VWA2: variants seen among roughly 807,000 people sequenced by gnomAD.
VWA2 encodes von Willebrand factor A domain containing 2.
In VWA2, 73 loss-of-function variants were observed where a neutral mutation model predicts 70.4. The observed-to-expected ratio is 1.04, with a 90% confidence interval of 0.86 to 1.26. The LOEUF is 1.26. Among genes scored for constraint, VWA2 ranks in the 50% most tolerant of loss-of-function variants. VWA2 has a pLI of 0.00. For synonymous variants in VWA2, 407 were observed against 423.3 expected, an observed-to-expected ratio of 0.96 and a Z score of 0.47; for missense variants, 1,011 against 998.5, an observed-to-expected ratio of 1.01 and a Z score of -0.17.
chr10:114,283,240 GGCAGTTAGACACACAGGCAGGGCAGCGA>G (rs1564735622), intron 9 of VWA2, among the ~76,000 whole-genome samples: 9 of 152,132 alleles, frequency 5.9e-5, no homozygotes, highest in South Asian at 2.1e-4. Flanking sequence ...AAGCAATGCC[GGCAGTTAGACACACAGGCAGGGCAGCGA>G]GCAGTTAGAC....
At chr10:114,256,416 G>C (rs1400149407) in intron 4 of VWA2, among the ~76,000 whole-genome samples, 2 of 151,984 alleles carry the variant, frequency 1.3e-5, no homozygotes, top group Non-Finnish European at 2.9e-5. Context: ...ATCTGTCTTT[G>C]TTTTCTTGTA....
intron 1 of VWA2, among the ~76,000 whole-genome samples, chr10:114,242,603 A>G (rs2036993552): frequency 6.6e-6 from 1 of 152,002 alleles, no homozygotes; most frequent in Non-Finnish European, 1.5e-5. Context: ...GTCTCTGTGT[A>G]CCACGTGCCT....
chr10:114,276,095 T>C (rs2037835505), intron 6 of VWA2, among the ~76,000 whole-genome samples: 1 of 152,206 alleles, frequency 6.6e-6, no homozygotes, highest in African/African-American at 2.4e-5. Context: ...CGTTTAATGC[T>C]TAGGGAGCTG....
rs527708632 is a variant in VWA2, at chr10:114,257,569, G to A, written c.261+2521G>A. Among the ~76,000 whole-genome samples the A allele has an allele frequency of 7.8e-4, 119 of 152,310 alleles. 1 individual carries two copies. Among genetic ancestry groups the A allele is most frequent in the African/African-American group, 2.7e-3 (114 of 41,564 alleles). On this transcript the variant is annotated intron_variant, in intron 4 of 13. Transcript: ENST00000392982. ...GCAACCTCAGGAGAGAGTTAAGTGT[G>A]GAAGAACTGGGGCTTTTGACTCAGC...
At chr10:114,259,865 T>C (rs552041218) in intron 4 of VWA2, among the ~76,000 whole-genome samples, 1 of 152,284 alleles carries the variant, frequency 6.6e-6, no homozygotes, top group South Asian at 2.1e-4. Context: ...CTGAGATTTC[T>C]TTCTGCTTAA....
chr10:114,256,755 A>C (rs549656774), intron 4 of VWA2, among the ~76,000 whole-genome samples: 1 of 152,040 alleles, frequency 6.6e-6, no homozygotes, highest in African/African-American at 2.4e-5. Context: ...CTAAAAATAC[A>C]AAAAATTAGC....
chr10:114,260,151 T>C (rs2037413872), intron 4 of VWA2, among the ~76,000 whole-genome samples: 1 of 152,220 alleles, frequency 6.6e-6, no homozygotes, highest in Admixed American at 6.5e-5. Flanking sequence ...CCAGGGGTTT[T>C]GGAGAACCAA....
chr10:114,278,430 G>A (rs1282731538), intron 7 of VWA2, among the ~76,000 whole-genome samples: 1 of 152,188 alleles, frequency 6.6e-6, no homozygotes, highest in Non-Finnish European at 1.5e-5. Flanking sequence ...GTCCACCCAG[G>A]AGCCACATTG....
intron 13 of VWA2, among the ~76,000 whole-genome samples, chr10:114,291,015 T>C (rs560357070): frequency 6.6e-6 from 1 of 152,270 alleles, no homozygotes; most frequent in South Asian, 2.1e-4. Flanking sequence ...CTTGGTTTTT[T>C]GGCCACGGGC....
chr10:114,275,964 A>G (rs891255075), intron 6 of VWA2, among the ~76,000 whole-genome samples: 4 of 152,196 alleles, frequency 2.6e-5, no homozygotes, highest in Non-Finnish European at 5.9e-5. Context: ...GAAAAATGAA[A>G]TAAACACAAT....
At chr10:114,280,535 G>A (rs997023383) in intron 8 of VWA2, among the ~76,000 whole-genome samples, 6 of 152,120 alleles carry the variant, frequency 3.9e-5, no homozygotes, top group Non-Finnish European at 5.9e-5. Flanking sequence ...GGGAGGTGGG[G>A]GGCAAACTGT....
chr10:114,248,690 C>A lies in VWA2; in HGVS notation c.-10-14C>A, dbSNP rs1236386279. ...AATTGCTGATACTTTCTTTCTTTTC[C>A]TGTGTCCCTGTAGTTATATCAACAT... On this transcript the variant is annotated splice_polypyrimidine_tract_variant and intron_variant, in intron 1 of 13. Transcript: ENST00000392982. The A allele has an allele frequency of 6.2e-7, 1 of 1,610,080 alleles. No individual in the cohort carries two copies. Among genetic ancestry groups the A allele is most frequent in the African/African-American group, 1.3e-5 (1 of 74,742 alleles).
At chr10:114,282,370 G>A (rs1391017362) in intron 8 of VWA2, 146 bp from the exon 9 acceptor site, 1 of 667,108 alleles carries the variant, frequency 1.5e-6, no homozygotes, top group African/African-American at 1.8e-5. Context: ...AAAAGTTAGG[G>A]TAGAATCAAG....
In VWA2 at chr10:114,246,525, A is replaced by G. The variant is rs1017980321; in HGVS notation, c.-10-2179A>G. ...CATCTCAAAAAAAAAAAAAAAAAAA[A>G]CGAGTATCATGGGTTGAATTCACAT... On this transcript the variant is annotated intron_variant, in intron 1 of 13. Coordinates refer to ENST00000392982, the MANE Select transcript of VWA2 (RefSeq NM_001272046.2). 4.6e-5 allele frequency: 35 copies of G among 766,116 alleles called. 1 individual carries two copies. In the African/African-American group the frequency reaches 6.9e-4, roughly 15 times the overall value. The allele number at this position is 766,116 out of a possible 1,614,324, so 47.5% of individuals were successfully genotyped here.
At chr10:114,281,891 C>T in intron 8 of VWA2, 1 of 231,514 alleles carries the variant, frequency 4.3e-6, no homozygotes, top group Non-Finnish European at 7.1e-6. Flanking sequence ...GCCCAGTTCC[C>T]AATATTTCTC....
chr10:114,249,115 C>T (rs762259544), intron 2 of VWA2, among the ~76,000 whole-genome samples: 7 of 152,024 alleles, frequency 4.6e-5, no homozygotes, highest in Non-Finnish European at 7.4e-5. Context: ...ACCTATCAAC[C>T]CATCACTTAG....
chr10:114,244,567 G>T (rs989496802), intron 1 of VWA2, among the ~76,000 whole-genome samples: 5 of 152,192 alleles, frequency 3.3e-5, no homozygotes, highest in Admixed American at 6.5e-5. Context: ...GTGTCTTGTG[G>T]CAGGCACATA....
chr10:114,288,054 G>A (rs1010975429), intron 11 of VWA2, among the ~76,000 whole-genome samples: 2 of 152,116 alleles, frequency 1.3e-5, no homozygotes, highest in Non-Finnish European at 2.9e-5. Context: ...AGAATTTCCA[G>A]TGGTTCCCCT....
chr10:114,257,828 G>A (rs1007591732), intron 4 of VWA2, among the ~76,000 whole-genome samples: 1 of 152,216 alleles, frequency 6.6e-6, no homozygotes, highest in Non-Finnish European at 1.5e-5. Context: ...AGTTCTAGGG[G>A]CTGACTTCTT....
Sources: gnomAD v4.1 joint callset for allele counts (sites outside exome capture counted in the v4.1 genomes callset) on GRCh38, gnomAD v4.1.1 for gene constraint, MANE v1.5 for transcripts, NCBI Gene and HGNC (gene_info 2026-07-23, HGNC 2026-07-21) for gene names.